The following AR variants were observed in gnomAD, a reference collection of about 807,000 sequenced individuals.
The protein encoded by AR is dihydrotestosterone receptor.
In AR, 8 loss-of-function variants were observed where a neutral mutation model predicts 53.9. The observed-to-expected ratio is 0.15, with a 90% CI of 0.09 to 0.27. The LOEUF is 0.27. Among genes scored for constraint, AR ranks in the 10% least tolerant of loss-of-function variants. The pLI, the probability that AR is intolerant of heterozygous loss-of-function variation, is 1.00. For missense variants in AR, 639 were observed against 742.5 expected, an observed-to-expected ratio of 0.86 and a Z score of 1.62; for synonymous variants, 359 against 316.4, an observed-to-expected ratio of 1.13 and a Z score of -1.43.
chrX:67,695,555 A>G, intron 3 of AR: 1 of 753,874 alleles, frequency 1.3e-6, no homozygotes. Flanking sequence ...GATGTCAAAG[A>G]AGAATCACTT....
intron 1 of AR, among the ~76,000 whole-genome samples, chrX:67,632,589 A>G (rs1236308115): frequency 8.0e-5 from 9 of 111,913 alleles, no homozygotes; most frequent in African/African-American, 2.9e-4. Context: ...AAATGCAGAA[A>G]TCACCCGTCT....
rs183474446 is a variant in AR, at chrX:67,619,254, G to A, written c.1617-24002G>A. On this transcript the variant is annotated intron_variant, in intron 1 of 7. Transcript: ENST00000374690. The stretch of plus-strand genomic sequence containing the variant: ...TCCTGTGTAATTTATGGACTGGAGA[G>A]GATCAGACAGGAAGCAGAAAGACTT... 4.7e-3 allele frequency among the ~76,000 whole-genome samples: 525 copies of A among 111,393 alleles called. 3 individuals carry two copies. Among genetic ancestry groups the A allele is most frequent in the African/African-American group, 0.016 (498 of 30,683 alleles).
chrX:67,552,289 G>T (rs1225774379), intron 1 of AR, among the ~76,000 whole-genome samples: 2 of 111,977 alleles, frequency 1.8e-5, no homozygotes, highest in Non-Finnish European at 3.8e-5. Context: ...GGTCTTTTGT[G>T]ACTAGCTTCT....
At chrX:67,610,116 C>T (rs991984502) in intron 1 of AR, among the ~76,000 whole-genome samples, 5 of 111,364 alleles carry the variant, frequency 4.5e-5, no homozygotes, top group African/African-American at 1.6e-4. Flanking sequence ...CCTGAGGCAA[C>T]CACTCAAGAG....
chrX:67,605,717 A>C (rs1923590674), intron 1 of AR, among the ~76,000 whole-genome samples: 1 of 112,010 alleles, frequency 8.9e-6, no homozygotes, highest in South Asian at 3.7e-4. Context: ...TCTTATCTTC[A>C]TGGCTGCCAA....
At position 67,550,442 on chromosome X, in the gene AR, T is replaced by G. The variant is rs374631790; in HGVS notation, c.1616+3680T>G. Among the ~76,000 whole-genome samples, 11 of 111,003 alleles carry G rather than the reference T, an allele frequency of 9.9e-5. No individual in the cohort carries two copies. The East Asian group carries it at 2.0e-3, about 20-fold the overall frequency. ...ATTCTTTGGTCTCCTTATGCGTATA[T>G]GCACTGCGGCTTGTACACGTACAAG... On this transcript the variant is annotated intron_variant, in intron 1 of 7. Coordinates refer to ENST00000374690, the MANE Select transcript of AR (RefSeq NM_000044.6).
chrX:67,665,052 C>T (rs1927191804), intron 2 of AR, among the ~76,000 whole-genome samples: 1 of 112,877 alleles, frequency 8.9e-6, no homozygotes, highest in Admixed American at 9.3e-5. Flanking sequence ...TTCTCTGATC[C>T]CTTGTGCTTC....
At chrX:67,642,713 A>G (rs1014708694) in intron 1 of AR, among the ~76,000 whole-genome samples, 1 of 111,885 alleles carries the variant, frequency 8.9e-6, no homozygotes, top group Non-Finnish European at 1.9e-5. Context: ...ATTTATTCCA[A>G]TGGCATTTTA....
At chrX:67,661,382 C>T (rs764260398) in intron 2 of AR, among the ~76,000 whole-genome samples, 6 of 111,171 alleles carry the variant, frequency 5.4e-5, no homozygotes, top group South Asian at 7.7e-4. Context: ...TTTTGAGATA[C>T]GTCCCATCAA....
chrX:67,593,113 T>A (rs1453510763), intron 1 of AR, among the ~76,000 whole-genome samples: 1 of 111,621 alleles, frequency 9.0e-6, no homozygotes, highest in African/African-American at 3.3e-5. Context: ...TTAACATTAC[T>A]GTTTTACTCT....
intron 1 of AR, among the ~76,000 whole-genome samples, chrX:67,595,445 G>T (rs1209998110): frequency 1.8e-5 from 2 of 109,711 alleles, no homozygotes. Context: ...GGTATAATTT[G>T]CTTTTTAAAG....
At chrX:67,675,971 C>T (rs181107315) in intron 2 of AR, among the ~76,000 whole-genome samples, 1 of 111,514 alleles carries the variant, frequency 9.0e-6, no homozygotes, top group East Asian at 2.8e-4. Flanking sequence ...TAGCTTTGAG[C>T]CTTAGAAAAT....
In AR at chrX:67,579,752, C is replaced by T. The variant is rs138464995; in HGVS notation, c.1616+32990C>T. Reference sequence around the variant, plus strand: ...TCTGCTTTGAGCTCAAGCTCACTCTCGTTGGCTCTCTTCGTTTCTTCCTCT... The same window carrying T: ...TCTGCTTTGAGCTCAAGCTCACTCTTGTTGGCTCTCTTCGTTTCTTCCTCT... On this transcript the variant is annotated intron_variant, in intron 1 of 7. Coordinates refer to ENST00000374690, the MANE Select transcript of AR (RefSeq NM_000044.6). 2.8e-3 allele frequency among the ~76,000 whole-genome samples: 310 copies of T among 111,851 alleles called. 13 individuals carry two copies. The East Asian group carries it at 0.069, about 25-fold the overall frequency.
intron 1 of AR, among the ~76,000 whole-genome samples, chrX:67,638,605 C>A (rs947447930): frequency 8.9e-6 from 1 of 112,074 alleles, no homozygotes; most frequent in Non-Finnish European, 1.9e-5. Flanking sequence ...TGTTTGTTGA[C>A]CGCATAAATG....
At chrX:67,661,381 A>G (rs1320583293) in intron 2 of AR, among the ~76,000 whole-genome samples, 5 of 111,343 alleles carry the variant, frequency 4.5e-5, no homozygotes, top group African/African-American at 1.6e-4. Context: ...ATTTTGAGAT[A>G]CGTCCCATCA....
chrX:67,593,980 A>C (rs1212957800), intron 1 of AR, among the ~76,000 whole-genome samples: 1 of 111,764 alleles, frequency 8.9e-6, no homozygotes, highest in Non-Finnish European at 1.9e-5. Flanking sequence ...GAAAGAACCG[A>C]GGAATAATTT....
At position 67,545,989 on chromosome X, in the gene AR, C is replaced by T. The variant is rs2147318752; in HGVS notation, c.843C>T (p.Pro281=). 1 of 1,212,378 alleles carries T rather than the reference C, an allele frequency of 8.2e-7. No individual in the cohort carries two copies. Among genetic ancestry groups the T allele is most frequent in the Non-Finnish European group, 1.1e-6 (1 of 895,660 alleles). The part of the protein sequence containing the change: ...PLLGVPPAVR[P]TPCAPLAECK... ...TGGGAGTTCCACCCGCTGTGCGTCCCACTCCTTGTGCCCCATTGGCCGAAT... is the reference window on the plus strand; with the variant it reads ...TGGGAGTTCCACCCGCTGTGCGTCCTACTCCTTGTGCCCCATTGGCCGAAT... Residue 281 remains proline, a synonymous_variant, in exon 1 of 8, where the codon CCC becomes CCT. Transcript: ENST00000374690.
chrX:67,727,790 G>T lies in AR; in HGVS notation c.*3949G>T, dbSNP rs902190837. 4.6e-5 allele frequency: 8 copies of T among 172,157 alleles called. No homozygotes were observed. The highest frequency in any genetic ancestry group is 2.1e-4 in the African/African-American group (7 of 33,785). 14.2% of individuals were successfully genotyped at this position (172,157 alleles called of 1,213,427 possible). A position where few individuals can be genotyped will look rare whatever the true frequency, so the allele number is the denominator to read the frequency against. On this transcript the variant is annotated 3_prime_UTR_variant, in exon 8 of 8. Transcript: ENST00000374690. ...TTGTGCCAGTTGCCCAGGTGAGAGGGCACTGGGCCAAGGGAGTGGTTTTCA... is the reference window on the plus strand; with the variant it reads ...TTGTGCCAGTTGCCCAGGTGAGAGGTCACTGGGCCAAGGGAGTGGTTTTCA...
chrX:67,608,654 T>C (rs1235518536), intron 1 of AR, among the ~76,000 whole-genome samples: 1 of 112,219 alleles, frequency 8.9e-6, no homozygotes, highest in Non-Finnish European at 1.9e-5. Flanking sequence ...TTAAAAGATT[T>C]AAAATCGAAA....
Sources: gnomAD v4.1 joint callset for allele counts (sites outside exome capture counted in the v4.1 genomes callset) on GRCh38, gnomAD v4.1.1 for gene constraint, MANE v1.5 for transcripts, NCBI Gene and HGNC (gene_info 2026-07-23, HGNC 2026-07-21) for gene names.